Variants in CCDC192 observed in about 807,000 individuals in gnomAD.
CCDC192 encodes the protein coiled-coil domain containing 192.
chr5:127,737,394 A>C (rs1276922357), intron 2 of CCDC192, among the ~76,000 whole-genome samples: 1 of 152,090 alleles, frequency 6.6e-6, no homozygotes, highest in African/African-American at 2.4e-5. Flanking sequence ...TGCTGAAAAA[A>C]ATGTATATTC....
Position 127,725,095 on chromosome 5 carries a change from A to G in CCDC192, c.114+17335A>G, listed in dbSNP as rs555111831. ...CTTTATATCAAATAAAAAATTTGGC[A>G]CACAAACATTATAAAAGATAAAAGA... On this transcript the variant is annotated intron_variant, in intron 2 of 6. Transcript: ENST00000514853. 4.6e-5 allele frequency among the ~76,000 whole-genome samples: 7 copies of G among 152,320 alleles called. No individual in the cohort carries two copies. In the East Asian group the frequency reaches 1.3e-3, roughly 29 times the overall value.
chr5:127,775,153 G>T (rs1755785276), intron 3 of CCDC192, among the ~76,000 whole-genome samples: 1 of 152,084 alleles, frequency 6.6e-6, no homozygotes, highest in Non-Finnish European at 1.5e-5. Context: ...CCCTCCCAGG[G>T]CTAGCCAATT....
At chr5:127,767,728 A>G (rs546754169) in intron 3 of CCDC192, among the ~76,000 whole-genome samples, 1 of 152,258 alleles carries the variant, frequency 6.6e-6, no homozygotes, top group African/African-American at 2.4e-5. Context: ...TTATATTTCA[A>G]TTATTGATTG....
At chr5:127,744,059 A>G (rs984848070) in intron 2 of CCDC192, among the ~76,000 whole-genome samples, 2 of 146,002 alleles carry the variant, frequency 1.4e-5, no homozygotes, top group African/African-American at 5.1e-5. Context: ...GCGCCACTGC[A>G]CTCCAGCCTG....
At chr5:127,799,196 A>G (rs1050763219) in intron 5 of CCDC192, among the ~76,000 whole-genome samples, 1 of 152,216 alleles carries the variant, frequency 6.6e-6, no homozygotes, top group East Asian at 1.9e-4. Flanking sequence ...AGACTGCAAG[A>G]TAATACATTC....
chr5:127,800,306 T>C (rs762379680), intron 5 of CCDC192, among the ~76,000 whole-genome samples: 5 of 147,074 alleles, frequency 3.4e-5, no homozygotes, highest in Non-Finnish European at 7.4e-5. Context: ...AGATCTGTAG[T>C]GTTTTAATGA....
chr5:127,758,013 A>G (rs1312209849), intron 3 of CCDC192, among the ~76,000 whole-genome samples: 1 of 151,990 alleles, frequency 6.6e-6, no homozygotes, highest in African/African-American at 2.4e-5. Flanking sequence ...AGTGTGGAAG[A>G]CACGACAAGA....
rs142018008 is a variant in CCDC192, at chr5:127,707,323, G to C, written c.63-386G>C. On this transcript the variant is annotated intron_variant, in intron 1 of 6. Coordinates refer to ENST00000514853, the MANE Select transcript of CCDC192 (RefSeq NM_001317938.2). ...AATGATCCAGGAGATAGAGAGAGAAGAGAGAGGGAGAGAGAACAGTGTAGG... is the reference window on the plus strand; with the variant it reads ...AATGATCCAGGAGATAGAGAGAGAACAGAGAGGGAGAGAGAACAGTGTAGG... Among the ~76,000 whole-genome samples the C allele has an allele frequency of 5.3e-5, 8 of 151,590 alleles. No individual in the cohort carries two copies. The East Asian group carries it at 1.6e-3, about 29-fold the overall frequency.
intron 5 of CCDC192, among the ~76,000 whole-genome samples, chr5:127,841,264 A>G (rs1750273506): frequency 6.6e-6 from 1 of 152,202 alleles, no homozygotes; most frequent in South Asian, 2.1e-4. Context: ...AACAAAGCAC[A>G]TAATTTCGGA....
chr5:127,908,313 A>G (rs1270822149), intron 6 of CCDC192, among the ~76,000 whole-genome samples: 1 of 152,208 alleles, frequency 6.6e-6, no homozygotes. Context: ...TATGGGACAA[A>G]TCAGTTTCTC....
intron 2 of CCDC192, among the ~76,000 whole-genome samples, chr5:127,738,710 C>G (rs1291171479): frequency 6.6e-6 from 1 of 152,170 alleles, no homozygotes; most frequent in Non-Finnish European, 1.5e-5. Flanking sequence ...CCCTTTCTTT[C>G]AGTTGATCAC....
chr5:127,758,307 A>G (rs912669378), intron 3 of CCDC192, among the ~76,000 whole-genome samples: 10 of 152,210 alleles, frequency 6.6e-5, no homozygotes, highest in Non-Finnish European at 1.3e-4. Flanking sequence ...GAAATAGCCA[A>G]CAAATAAGAA....
At chr5:127,887,052 G>A (rs1752584959) in intron 6 of CCDC192, among the ~76,000 whole-genome samples, 2 of 152,160 alleles carry the variant, frequency 1.3e-5, no homozygotes, top group African/African-American at 4.8e-5. Context: ...AAAAGGCTGG[G>A]TGTGGTGGCT....
At chr5:127,913,795 T>C (rs1267466735) in intron 6 of CCDC192, among the ~76,000 whole-genome samples, 1 of 152,184 alleles carries the variant, frequency 6.6e-6, no homozygotes. Flanking sequence ...TTCCAACCAG[T>C]AGTTCATGCA....
intron 5 of CCDC192, among the ~76,000 whole-genome samples, chr5:127,868,808 A>T (rs1751721188): frequency 6.6e-6 from 1 of 152,156 alleles, no homozygotes; most frequent in Non-Finnish European, 1.5e-5. Context: ...AGAGAATCTG[A>T]AATGCCATCT....
At chr5:127,940,998 G>C in intron 6 of CCDC192, 184 bp from the exon 7 acceptor site, 1 of 390,646 alleles carries the variant, frequency 2.6e-6, no homozygotes, top group East Asian at 3.6e-5. Context: ...CTTTTTTCAT[G>C]AGCACCCAGA....
intron 2 of CCDC192, among the ~76,000 whole-genome samples, chr5:127,728,383 G>T (rs373372987): frequency 6.6e-6 from 1 of 152,152 alleles, no homozygotes. Flanking sequence ...AGATTGGGGG[G>T]ACAATATTCA....
intron 3 of CCDC192, among the ~76,000 whole-genome samples, chr5:127,788,100 A>AAG (rs1199022636): frequency 6.6e-6 from 1 of 151,444 alleles, no homozygotes; most frequent in South Asian, 2.1e-4. Context: ...AAAAAAAAAA[A>AAG]AAAGGGGGGG....
intron 5 of CCDC192, among the ~76,000 whole-genome samples, chr5:127,855,023 A>T (rs932590359): frequency 3.3e-5 from 5 of 152,258 alleles, no homozygotes; most frequent in African/African-American, 1.2e-4. Context: ...GTTAACAATT[A>T]TCCGAGCCTT....
Sources: gnomAD v4.1 joint callset for allele counts (sites outside exome capture counted in the v4.1 genomes callset) on GRCh38, gnomAD v4.1.1 for gene constraint, MANE v1.5 for transcripts, NCBI Gene and HGNC (gene_info 2026-07-23, HGNC 2026-07-21) for gene names.